Variants in PTPRD observed in about 807,000 individuals in gnomAD.
PTPRD encodes receptor-type tyrosine-protein phosphatase delta.
PTPRD carries 34 observed loss-of-function variants against 214.5 expected under a neutral mutation model. The observed-to-expected ratio is 0.16, with a 90% CI of 0.12 to 0.21. The LOEUF is 0.21. PTPRD is among the 10% of genes least tolerant of loss of function. The probability of loss-of-function intolerance (pLI) is 1.00; values close to 1 mark genes in which losing one functional copy is unlikely to be tolerated. For synonymous variants in PTPRD, 1,128 were observed against 845.7 expected, an observed-to-expected ratio of 1.33 and a Z score of -5.79; for missense variants, 2,545 against 2,398.7, an observed-to-expected ratio of 1.06 and a Z score of -1.27.
At chr9:9,306,913 A>C (rs1218213282) in intron 9 of PTPRD, among the ~76,000 whole-genome samples, 1 of 152,222 alleles carries the variant, frequency 6.6e-6, no homozygotes, top group Non-Finnish European at 1.5e-5. Flanking sequence ...AAAAGCAGAG[A>C]TTAATGCTTA....
chr9:10,263,192 T>A (rs2093811404), intron 3 of PTPRD, among the ~76,000 whole-genome samples: 1 of 152,070 alleles, frequency 6.6e-6, no homozygotes, highest in South Asian at 2.1e-4. Flanking sequence ...ATACAGTAAA[T>A]TGGTACCAGT....
Position 8,504,281 on chromosome 9 carries a change from G to A in PTPRD, c.1802C>T (p.Ser601Leu), listed in dbSNP as rs1455551669. The A allele has an allele frequency of 3.1e-6, 5 of 1,614,044 alleles. No individual in the cohort carries two copies. The highest frequency in any genetic ancestry group is 4.2e-6 in the Non-Finnish European group (5 of 1,179,982). The change falls in exon 23 of 46, where the codon TCA becomes TTA. Residue 601 changes from serine to leucine, a missense_variant. Transcript: ENST00000381196. ...QGLGASTAEI[S>L]ARTMQSKPSA... ...CCTACTTGACTGCATGGTTCTAGCT[G>A]ATATTTCTGCAGTAGAAGCACCCAG...
chr9:9,169,320 C>T (rs1418057109), intron 10 of PTPRD, among the ~76,000 whole-genome samples: 1 of 152,104 alleles, frequency 6.6e-6, no homozygotes, highest in Non-Finnish European at 1.5e-5. Flanking sequence ...ACTAAAGTTC[C>T]TATACTCAGT....
intron 2 of PTPRD, among the ~76,000 whole-genome samples, chr9:10,357,912 G>C (rs1208664682): frequency 6.6e-6 from 1 of 152,164 alleles, no homozygotes; most frequent in East Asian, 1.9e-4. Context: ...AAATCAGATG[G>C]CTATTCCAAG....
chr9:9,929,853 G>A (rs2085763897), intron 5 of PTPRD, among the ~76,000 whole-genome samples: 1 of 152,162 alleles, frequency 6.6e-6, no homozygotes, highest in Non-Finnish European at 1.5e-5. Context: ...AAGAGAATAT[G>A]AGTTATTTTG....
intron 21 of PTPRD, among the ~76,000 whole-genome samples, chr9:8,510,593 C>CT (rs2097658162): frequency 1.3e-5 from 2 of 152,136 alleles, no homozygotes; most frequent in African/African-American, 2.4e-5. Context: ...TTTAAAAGCA[C>CT]TGTATGGGGC....
rs59265464 is a variant in PTPRD, at chr9:8,508,891, CTGTGTG to C, written c.1544-1463_1544-1458del. ...TGTATATATATGTGTGTGTGTGTGT[CTGTGTG>C]TGTGTGTGTGTGTGTGTGTGTGTGT... On this transcript the variant is annotated intron_variant, in intron 21 of 45. Transcript: ENST00000381196. Among the ~76,000 whole-genome samples, 427 of 140,590 alleles carry C rather than the reference CTGTGTG, an allele frequency of 3.0e-3. 3 individuals carry two copies. Among genetic ancestry groups the C allele is most frequent in the African/African-American group, 6.8e-3 (263 of 38,958 alleles). 92.2% of individuals were successfully genotyped at this position (140,590 alleles called of 152,430 possible). A position where few individuals can be genotyped will look rare whatever the true frequency, so the allele number is the denominator to read the frequency against.
intron 12 of PTPRD, among the ~76,000 whole-genome samples, chr9:8,714,839 C>T (rs2098413762): frequency 6.6e-6 from 1 of 152,138 alleles, no homozygotes; most frequent in African/African-American, 2.4e-5. Flanking sequence ...CACCTTTGAA[C>T]ACATAATATA....
At chr9:8,590,866 T>C (rs1284385617) in intron 14 of PTPRD, among the ~76,000 whole-genome samples, 1 of 152,174 alleles carries the variant, frequency 6.6e-6, no homozygotes, top group Admixed American at 6.5e-5. Flanking sequence ...CAAAAACATT[T>C]ATTATTTTTC....
chr9:8,994,402 T>C (rs1182142340), intron 11 of PTPRD, among the ~76,000 whole-genome samples: 1 of 152,182 alleles, frequency 6.6e-6, no homozygotes, highest in African/African-American at 2.4e-5. Context: ...GCAGTACATG[T>C]CAATGAAAAC....
rs112422251 is a variant in PTPRD, at chr9:8,859,991, C to T, written c.-103-126045G>A. 53 of 151,746 alleles carry T rather than the reference C, an allele frequency of 3.5e-4. 1 individual carries two copies. Among genetic ancestry groups the T allele is most frequent in the African/African-American group, 1.1e-3 (45 of 41,014 alleles). 9.4% of individuals were successfully genotyped at this position (151,746 alleles called of 1,614,324 possible). On this transcript the variant is annotated intron_variant, in intron 11 of 45. Transcript: ENST00000381196. The stretch of plus-strand genomic sequence containing the variant: ...GCTGTGCAGGGATGATGGACCCTTG[C>T]CCCCTGTGACCTAAGGATGGATCCA...
chr9:8,644,312 C>T (rs537120479), intron 12 of PTPRD, among the ~76,000 whole-genome samples: 15 of 152,248 alleles, frequency 9.9e-5, no homozygotes, highest in Admixed American at 2.0e-4. Context: ...CACCCTGAGA[C>T]GGAGAGAAGA....
intron 11 of PTPRD, among the ~76,000 whole-genome samples, chr9:8,938,573 C>T (rs946044031): frequency 2.0e-5 from 3 of 152,058 alleles, no homozygotes; most frequent in South Asian, 2.1e-4. Context: ...TTTAGGTTCA[C>T]ACCTCCTCAT....
At chr9:9,805,725 T>A (rs2099068904) in intron 5 of PTPRD, among the ~76,000 whole-genome samples, 1 of 152,172 alleles carries the variant, frequency 6.6e-6, no homozygotes, top group African/African-American at 2.4e-5. Flanking sequence ...AAATGGTACC[T>A]AATTACTCTA....
At chr9:9,620,243 C>T (rs2095162672) in intron 7 of PTPRD, among the ~76,000 whole-genome samples, 1 of 152,124 alleles carries the variant, frequency 6.6e-6, no homozygotes. Context: ...AAAGTGCACA[C>T]ATTTCAGAGC....
chr9:10,227,159 T>C (rs944085609), intron 3 of PTPRD, among the ~76,000 whole-genome samples: 9 of 152,140 alleles, frequency 5.9e-5, no homozygotes, highest in African/African-American at 2.2e-4. Flanking sequence ...GCTGCAGGTA[T>C]TTTTCACGTG....
At chr9:9,290,663 T>C (rs1432859813) in intron 9 of PTPRD, among the ~76,000 whole-genome samples, 1 of 151,580 alleles carries the variant, frequency 6.6e-6, no homozygotes, top group Non-Finnish European at 1.5e-5. Context: ...TTAATGACTC[T>C]GTATGTAAAT....
At chr9:8,743,938 G>C (rs947950240) in intron 11 of PTPRD, among the ~76,000 whole-genome samples, 10 of 150,736 alleles carry the variant, frequency 6.6e-5, no homozygotes, top group Admixed American at 6.6e-5. Flanking sequence ...ACTCAAATCA[G>C]CAAGAAAAAA....
chr9:9,784,815 ATATAT>A (rs926207019), intron 5 of PTPRD, among the ~76,000 whole-genome samples: 3 of 150,616 alleles, frequency 2.0e-5, no homozygotes, highest in African/African-American at 4.9e-5. Context: ...ATCATAAAAC[ATATAT>A]TAGATATATG....
Sources: gnomAD v4.1 joint callset for allele counts (sites outside exome capture counted in the v4.1 genomes callset) on GRCh38, gnomAD v4.1.1 for gene constraint, MANE v1.5 for transcripts, NCBI Gene and HGNC (gene_info 2026-07-23, HGNC 2026-07-21) for gene names.